Variants in KCNJ6 observed in about 807,000 individuals in gnomAD.
KCNJ6 encodes the protein potassium inwardly rectifying channel subfamily J member 6, also known as G protein-activated inward rectifier potassium channel 2.
KCNJ6 carries 9 observed loss-of-function variants against 34.2 expected under a neutral mutation model. The ratio of observed to expected loss-of-function variants is 0.26; its 90% CI spans 0.16 to 0.46. The LOEUF is 0.46. Ranked by LOEUF, KCNJ6 falls within the 20% of genes least tolerant of loss-of-function variation. KCNJ6 has a pLI of 1.00. For synonymous variants in KCNJ6, 196 were observed against 207.1 expected (o/e 0.95, Z 0.46); for missense variants, 236 against 531.3 (o/e 0.44, Z 5.46).
chr21:37,773,836 T>C (rs1056633409), intron 2 of KCNJ6, among the ~76,000 whole-genome samples: 1 of 152,136 alleles, frequency 6.6e-6, no homozygotes, highest in South Asian at 2.1e-4. Flanking sequence ...ATCCGTTTTC[T>C]AGCTCCAGTT....
At chr21:37,875,043 C>T (rs1055229203) in intron 1 of KCNJ6, among the ~76,000 whole-genome samples, 2 of 152,194 alleles carry the variant, frequency 1.3e-5, no homozygotes, top group African/African-American at 4.8e-5. Context: ...CTATGCCCAG[C>T]AGTCTGTTTC....
Position 37,614,971 on chromosome 21 carries a change from G to T in KCNJ6, c.*10188C>A, listed in dbSNP as rs1446287819. ...ATCTCTATGAAGGTGCACACAGGGA[G>T]GAACCATGTGATAACAGGCCACATG... On this transcript the variant is annotated 3_prime_UTR_variant, in exon 4 of 4. Coordinates refer to ENST00000609713, the MANE Select transcript of KCNJ6 (RefSeq NM_002240.5). 2 of 152,194 alleles carry T rather than the reference G, an allele frequency of 1.3e-5. No homozygotes were observed. The highest frequency in any genetic ancestry group is 3.9e-4 in the East Asian group (2 of 5,190). 9.4% of individuals were successfully genotyped at this position (152,194 alleles called of 1,614,324 possible).
At chr21:37,796,257 C>T (rs2055241350) in intron 2 of KCNJ6, among the ~76,000 whole-genome samples, 1 of 152,144 alleles carries the variant, frequency 6.6e-6, no homozygotes, top group Non-Finnish European at 1.5e-5. Flanking sequence ...GATCAACAGC[C>T]TTCGCTCTGC....
chr21:37,740,516 A>C (rs900144464), intron 2 of KCNJ6, among the ~76,000 whole-genome samples: 1 of 152,118 alleles, frequency 6.6e-6, no homozygotes, highest in Admixed American at 6.5e-5. Context: ...CCCTCCTTTG[A>C]GTTGTCCCGC....
intron 1 of KCNJ6, among the ~76,000 whole-genome samples, chr21:37,865,857 A>G (rs2055619993): frequency 6.6e-6 from 1 of 152,236 alleles, no homozygotes; most frequent in South Asian, 2.1e-4. Context: ...CCTAACAGAC[A>G]TTTACAGAAC....
intron 1 of KCNJ6, among the ~76,000 whole-genome samples, chr21:37,881,300 A>T (rs2055706666): frequency 6.6e-6 from 1 of 152,214 alleles, no homozygotes; most frequent in South Asian, 2.1e-4. Flanking sequence ...ATAACAAAAT[A>T]CAATTGACTG....
At chr21:37,742,059 G>C (rs1172364369) in intron 2 of KCNJ6, among the ~76,000 whole-genome samples, 2 of 152,232 alleles carry the variant, frequency 1.3e-5, no homozygotes, top group African/African-American at 4.8e-5. Context: ...GATGGAAACT[G>C]TCATCATGGG....
chr21:37,896,651 G>T (rs1260701484), intron 1 of KCNJ6, among the ~76,000 whole-genome samples: 1 of 152,176 alleles, frequency 6.6e-6, no homozygotes, highest in African/African-American at 2.4e-5. Flanking sequence ...CGATTCCTGG[G>T]GGAGACTCAA....
chr21:37,854,035 C>T (rs915856522), intron 1 of KCNJ6, among the ~76,000 whole-genome samples: 1 of 149,656 alleles, frequency 6.7e-6, no homozygotes, highest in African/African-American at 2.4e-5. Context: ...AATCACAAAA[C>T]AAAAAACAAA....
At chr21:37,661,612 TAG>T (rs2123398520) in intron 3 of KCNJ6, among the ~76,000 whole-genome samples, 3 of 124,922 alleles carry the variant, frequency 2.4e-5, no homozygotes, top group Non-Finnish European at 3.3e-5. Flanking sequence ...TTAAGAGACA[TAG>T]TTTTTTTTTT....
chr21:37,764,294 A>G (rs2055080367), intron 2 of KCNJ6, among the ~76,000 whole-genome samples: 1 of 152,160 alleles, frequency 6.6e-6, no homozygotes, highest in African/African-American at 2.4e-5. Context: ...CCATCAGCAG[A>G]GTATTTAGGA....
At chr21:37,775,303 C>G (rs1267062839) in intron 2 of KCNJ6, among the ~76,000 whole-genome samples, 2 of 152,152 alleles carry the variant, frequency 1.3e-5, no homozygotes, top group African/African-American at 2.4e-5. Flanking sequence ...TGTAGGTTGC[C>G]TATTCACTCT....
chr21:37,761,639 TTG>T (rs747378715), intron 2 of KCNJ6, among the ~76,000 whole-genome samples: 19 of 150,730 alleles, frequency 1.3e-4, no homozygotes, highest in East Asian at 1.9e-4. Context: ...GTGTGTTGTG[TTG>T]TGTGTGTATA....
intron 2 of KCNJ6, among the ~76,000 whole-genome samples, chr21:37,827,307 A>G (rs1198492535): frequency 1.3e-5 from 2 of 152,194 alleles, no homozygotes; most frequent in Non-Finnish European, 1.5e-5. Context: ...CATATTTGGC[A>G]GGAAAGATCA....
At chr21:37,667,154 TAAAAAAAAAAAA>T (rs55953891) in intron 3 of KCNJ6, among the ~76,000 whole-genome samples, 6 of 39,096 alleles carry the variant, frequency 1.5e-4, no homozygotes, top group South Asian at 1.5e-3. Flanking sequence ...CAATAAATAC[TAAAAAAAAAAAA>T]AAAAAAAAAA....
intron 3 of KCNJ6, among the ~76,000 whole-genome samples, chr21:37,704,314 CAT>C (rs1435414994): frequency 6.6e-6 from 1 of 152,200 alleles, no homozygotes; most frequent in Non-Finnish European, 1.5e-5. Context: ...TTTGAGGAAA[CAT>C]AAAGTACATA....
Position 37,722,832 on chromosome 21 carries a change from C to T in KCNJ6, c.26-7701G>A, listed in dbSNP as rs192085841. Among the ~76,000 whole-genome samples the T allele has an allele frequency of 5.5e-4, 83 of 152,292 alleles. No homozygotes were observed. The East Asian group carries it at 0.014, about 25-fold the overall frequency. On this transcript the variant is annotated intron_variant, in intron 2 of 3. Transcript: ENST00000609713. Reference sequence around the variant, plus strand: ...ATGTAAGACCTCAAACTATAAGAATCCTAGGAGGAAACCTAGGAAACACCA... The same window carrying T: ...ATGTAAGACCTCAAACTATAAGAATTCTAGGAGGAAACCTAGGAAACACCA...
At chr21:37,897,497 C>T (rs965867976) in intron 1 of KCNJ6, among the ~76,000 whole-genome samples, 8 of 152,246 alleles carry the variant, frequency 5.3e-5, no homozygotes, top group African/African-American at 7.2e-5. Context: ...TGTCTAAAAT[C>T]TTGCTTTAGC....
chr21:37,654,717 A>G (rs1360180361), intron 3 of KCNJ6, among the ~76,000 whole-genome samples: 1 of 152,224 alleles, frequency 6.6e-6, no homozygotes, highest in Admixed American at 6.5e-5. Context: ...ATGAGATTAA[A>G]TGACTGGTCC....
Sources: allele counts gnomAD v4.1 joint callset (sites outside exome capture counted in the v4.1 genomes callset), GRCh38; gene constraint gnomAD v4.1.1; transcripts MANE v1.5; gene names NCBI Gene and HGNC (gene_info 2026-07-23, HGNC 2026-07-21).